Variants in DDX24 observed in about 807,000 individuals in gnomAD.
DDX24 encodes the protein DEAD-box helicase 24.
Under a neutral mutation model 68.9 loss-of-function variants are expected in DDX24, and 24 were observed. The observed-to-expected ratio is 0.35, with a 90% CI of 0.25 to 0.49. The LOEUF (loss-of-function observed/expected upper bound fraction) is 0.49, where lower values mean the gene tolerates loss of function less well. DDX24 is among the 20% of genes least tolerant of loss of function. The pLI is 0.99. For missense variants in DDX24, 989 were observed against 1,039.0 expected (o/e 0.95, Z 0.66); for synonymous variants, 395 against 385.2 (o/e 1.03, Z -0.30).
chr14:94,066,078 C>G (rs988750827), intron 2 of DDX24, among the ~76,000 whole-genome samples: 4 of 152,170 alleles, frequency 2.6e-5, no homozygotes, highest in African/African-American at 9.7e-5. Context: ...AGCCCCTTTT[C>G]TTTCAGAGCT....
At position 94,079,256 on chromosome 14, in the gene DDX24, A is replaced by G. The variant is rs144691729; in HGVS notation, c.487T>C (p.Leu163=). ...GCAGCAGTGCTCTGAGAAGGCTCCAACCCTTTTTTCCCTTTATTTTTCTTC... is the reference window on the plus strand; with the variant it reads ...GCAGCAGTGCTCTGAGAAGGCTCCAGCCCTTTTTTCCCTTTATTTTTCTTC... ...KKKKNKGKKG[L]EPSQSTAAKV... Residue 163 remains leucine, a synonymous_variant, in exon 2 of 9, where the codon TTG becomes CTG. Transcript: ENST00000621632. 94 of 1,613,970 alleles carry G rather than the reference A, an allele frequency of 5.8e-5. No homozygotes were observed. The African/African-American group carries it at 8.0e-4, about 14-fold the overall frequency.
At chr14:94,078,011 G>A (rs1028576673) in intron 2 of DDX24, among the ~76,000 whole-genome samples, 5 of 150,438 alleles carry the variant, frequency 3.3e-5, no homozygotes, top group Non-Finnish European at 5.9e-5. Flanking sequence ...TCTGTGGATC[G>A]ACAATATTCG....
intron 8 of DDX24, 53 bp from the exon 9 acceptor site, chr14:94,051,515 T>C: frequency 6.7e-7 from 1 of 1,496,760 alleles, no homozygotes; most frequent in Non-Finnish European, 8.9e-7. Context: ...TAGAAACATT[T>C]TGTTTCCCTT....
intron 5 of DDX24, 52 bp from the exon 6 acceptor site, chr14:94,057,949 C>T (rs756292861): frequency 1.3e-6 from 2 of 1,552,608 alleles, no homozygotes; most frequent in East Asian, 4.5e-5. Context: ...TATCTTTAAT[C>T]AAATTCTTAC....
chr14:94,080,216 G>A (rs1245891823), intron 1 of DDX24, among the ~76,000 whole-genome samples: 2 of 152,186 alleles, frequency 1.3e-5, no homozygotes, highest in South Asian at 4.1e-4. Flanking sequence ...GGGCAGGAGG[G>A]GTGAGCTTTA....
At chr14:94,068,893 T>C (rs11160157) in intron 2 of DDX24, among the ~76,000 whole-genome samples, 81,412 of 151,928 alleles carry the variant, frequency 0.54, 23,818 homozygotes, top group African/African-American at 0.79. Flanking sequence ...TAGCCCTAAA[T>C]GGCTACATCG....
intron 2 of DDX24, among the ~76,000 whole-genome samples, chr14:94,065,917 G>C (rs1885695895): frequency 1.3e-5 from 2 of 152,222 alleles, no homozygotes; most frequent in Non-Finnish European, 2.9e-5. Flanking sequence ...GGTGGCCACA[G>C]GAGCTGGGGG....
intron 3 of DDX24, 93 bp downstream of exon 3, chr14:94,062,004 C>T: frequency 7.3e-7 from 1 of 1,368,458 alleles, no homozygotes; most frequent in Admixed American, 2.7e-5. Flanking sequence ...GAGTGGCTTA[C>T]CCTAGAGGGC....
intron 2 of DDX24, 44 bp downstream of exon 2, chr14:94,078,981 G>A (rs1462507076): frequency 3.9e-6 from 6 of 1,555,648 alleles, no homozygotes; most frequent in Non-Finnish European, 4.4e-6. Context: ...GCAGCTATGG[G>A]CTCAATCCAG....
At chr14:94,071,921 GGCA>G (rs1885839896) in intron 2 of DDX24, among the ~76,000 whole-genome samples, 1 of 152,134 alleles carries the variant, frequency 6.6e-6, no homozygotes, top group African/African-American at 2.4e-5. Context: ...CTCCAGCCTG[GGCA>G]ACAAGAGCGA....
intron 2 of DDX24, among the ~76,000 whole-genome samples, chr14:94,077,169 G>A (rs1885960635): frequency 6.6e-6 from 1 of 152,278 alleles, no homozygotes; most frequent in East Asian, 1.9e-4. Context: ...TAAGTTTGGG[G>A]GGAGTTCAAA....
In DDX24 at chr14:94,054,450, T is replaced by C. The variant is rs540697597; in HGVS notation, c.2178+546A>G. On this transcript the variant is annotated intron_variant, in intron 7 of 8. Coordinates refer to ENST00000621632, the MANE Select transcript of DDX24 (RefSeq NM_020414.4). Reference sequence around the variant, plus strand: ...ACCTCTTCTCCTCCCAATGTAACCATATGCCCAGTAATTCCATACTGCTCC... The same window carrying C: ...ACCTCTTCTCCTCCCAATGTAACCACATGCCCAGTAATTCCATACTGCTCC... Among the ~76,000 whole-genome samples, 7 of 152,290 alleles carry C rather than the reference T, an allele frequency of 4.6e-5. 1 individual carries two copies. In the South Asian group the frequency reaches 1.5e-3, roughly 32 times the overall value.
At chr14:94,068,055 G>A (rs968027878) in intron 2 of DDX24, among the ~76,000 whole-genome samples, 2 of 152,140 alleles carry the variant, frequency 1.3e-5, no homozygotes, top group African/African-American at 4.8e-5. Context: ...CCACTTAAAA[G>A]ATAAAGAACT....
chr14:94,078,506 A>C (rs1421627241), intron 2 of DDX24, among the ~76,000 whole-genome samples: 2 of 152,182 alleles, frequency 1.3e-5, no homozygotes. Flanking sequence ...ACTACCCACC[A>C]CACTCAAATC....
chr14:94,062,418 C>A lies in DDX24; in HGVS notation c.922G>T (p.Ala308Ser). The A allele has an allele frequency of 6.2e-7, 1 of 1,614,180 alleles. No homozygotes were observed. The highest frequency in any genetic ancestry group is 8.5e-7 in the Non-Finnish European group (1 of 1,180,032). ...TCGGCTGCAATATCACTGGGCAGTG[C>A]TTCACTCTCAATTACAGTATCGTCA... ...LPDDTVIESE[A>S]LPSDIAAEAR... Residue 308 changes from alanine to serine, a missense_variant, in exon 3 of 9, where the codon GCA (alanine) becomes TCA (serine). Ala to Ser is a moderately conservative substitution (Grantham distance 99, BLOSUM62 1). Coordinates refer to ENST00000621632, the MANE Select transcript of DDX24 (RefSeq NM_020414.4).
intron 2 of DDX24, among the ~76,000 whole-genome samples, chr14:94,074,423 A>C (rs1885894649): frequency 6.6e-6 from 1 of 152,236 alleles, no homozygotes; most frequent in Non-Finnish European, 1.5e-5. Flanking sequence ...TTCATAATTG[A>C]AAATCAATGT....
chr14:94,060,115 C>A lies in DDX24; in HGVS notation c.1896G>T (p.Gln632His), dbSNP rs769512531. Residue 632 changes from glutamine to histidine, a missense_variant, in exon 5 of 9, where the codon CAG (glutamine) becomes CAT (histidine). Physicochemically the swap from Gln to His is conservative, Grantham distance 24. Transcript: ENST00000621632. ...HQKQRLRNLE[Q>H]FARLEDCVLL... ...TAACTTACTCTTCCAGACGGGCAAA[C>A]TGCTCCAGGTTTCTGAGCCTCTGCT... is the stretch of plus-strand genomic sequence containing the variant. 1 of 1,612,564 alleles carries A rather than the reference C, an allele frequency of 6.2e-7. No homozygotes were observed. Among genetic ancestry groups the A allele is most frequent in the Non-Finnish European group, 8.5e-7 (1 of 1,178,778 alleles).
At chr14:94,066,320 CCCCACAACA>C (rs1173906054) in intron 2 of DDX24, among the ~76,000 whole-genome samples, 1 of 152,170 alleles carries the variant, frequency 6.6e-6, no homozygotes, top group Non-Finnish European at 1.5e-5. Flanking sequence ...AACCCCCATC[CCCCACAACA>C]CCCACAACAA....
intron 3 of DDX24, 76 bp from the exon 4 acceptor site, chr14:94,061,142 C>T: frequency 6.6e-7 from 1 of 1,520,296 alleles, no homozygotes; most frequent in Non-Finnish European, 9.1e-7. Flanking sequence ...ACAGGCACCC[C>T]AGATTAGCAG....
Sources: allele counts gnomAD v4.1 joint callset (sites outside exome capture counted in the v4.1 genomes callset), GRCh38; gene constraint gnomAD v4.1.1; transcripts MANE v1.5; gene names NCBI Gene and HGNC (gene_info 2026-07-23, HGNC 2026-07-21).